The following GCN1 variants were observed in gnomAD, a reference collection of about 807,000 sequenced individuals.
The protein encoded by GCN1 is stalled ribosome sensor GCN1.
A neutral mutation model predicts 288.4 loss-of-function variants in GCN1; 90 were observed. The ratio of observed to expected loss-of-function variants is 0.31; its 90% confidence interval spans 0.26 to 0.37. The LOEUF (loss-of-function observed/expected upper bound fraction) is 0.37, where lower values mean the gene tolerates loss of function less well. GCN1 is among the 10% of genes least tolerant of loss of function. The pLI is 1.00. For synonymous variants in GCN1, 1,386 were observed against 1,420.2 expected (o/e 0.98, Z 0.54); for missense variants, 2,586 against 3,419.9 (o/e 0.76, Z 6.08).
At chr12:120,131,858 T>C in intron 54 of GCN1, 68 bp downstream of exon 54, 2 of 923,138 alleles carry the variant, frequency 2.2e-6, no homozygotes, top group East Asian at 2.6e-5. Flanking sequence ...GGGAGGGAGA[T>C]GCCCGTCGAC....
chr12:120,157,602 CAA>C (rs1877790364), intron 26 of GCN1, among the ~76,000 whole-genome samples: 3 of 152,226 alleles, frequency 2.0e-5, no homozygotes, highest in Admixed American at 6.5e-5. Flanking sequence ...ATGCAGCCAA[CAA>C]AGTCAATCAG....
intron 15 of GCN1, among the ~76,000 whole-genome samples, chr12:120,169,775 G>T (rs1594281170): frequency 6.6e-6 from 1 of 152,270 alleles, no homozygotes; most frequent in South Asian, 2.1e-4. Flanking sequence ...GTGCAAAATT[G>T]GTAACACCGT....
intron 14 of GCN1, among the ~76,000 whole-genome samples, chr12:120,172,961 A>G (rs1219504817): frequency 6.6e-6 from 1 of 152,132 alleles, no homozygotes; most frequent in Non-Finnish European, 1.5e-5. Context: ...TGCTTGCCCA[A>G]ATGACAGTAG....
At position 120,136,636 on chromosome 12, in the gene GCN1, G is replaced by A. The variant is rs200128356; in HGVS notation, c.6874C>T (p.Arg2292Cys). 20 of 1,614,028 alleles carry A rather than the reference G, an allele frequency of 1.2e-5. No homozygotes were observed. Among genetic ancestry groups the A allele is most frequent in the South Asian group, 1.1e-4 (10 of 91,094 alleles). Residue 2292 changes from arginine to cysteine, a missense_variant, in exon 51 of 58, where the codon CGC (arginine) becomes TGC (cysteine). Physicochemically the swap from Arg to Cys is radical, Grantham distance 180 (BLOSUM62 -3). Coordinates refer to ENST00000300648, the MANE Select transcript of GCN1 (RefSeq NM_006836.2). ...CTCAGGGCGTCAGCCGAGGTCAGGC[G>A]GATTACCAAGCCTAAGGCTTTGGCT... Reference protein sequence around the residue: ...EAAKALGLVIRLTSADALRPS... With the variant: ...EAAKALGLVICLTSADALRPS...
chr12:120,146,439 C>T (rs967392805), intron 38 of GCN1, among the ~76,000 whole-genome samples: 2 of 151,966 alleles, frequency 1.3e-5, no homozygotes, highest in African/African-American at 4.8e-5. Context: ...TATCACGGCT[C>T]ACTGTATCCT....
intron 46 of GCN1, 92 bp from the exon 47 acceptor site, chr12:120,138,507 C>G: frequency 9.8e-7 from 1 of 1,022,702 alleles, no homozygotes; most frequent in Non-Finnish European, 1.6e-6. Context: ...TGTTTCCCTC[C>G]CTCCTGTTGC....
chr12:120,173,588 AAT>A, intron 14 of GCN1, 63 bp downstream of exon 14: 1 of 902,738 alleles, frequency 1.1e-6, no homozygotes, highest in Non-Finnish European at 1.8e-6. Flanking sequence ...GAACACTAAC[AAT>A]ACCCTAAAGA....
rs1188098649 is a variant in GCN1, at chr12:120,138,679, T to G, written c.6156+16A>C. 1 of 1,609,970 alleles carries G rather than the reference T, an allele frequency of 6.2e-7. No individual in the cohort carries two copies. Among genetic ancestry groups the G allele is most frequent in the Admixed American group, 1.7e-5 (1 of 59,842 alleles). Reference sequence around the variant, plus strand: ...AAAGCCAAACTGGTAGGTAGGTGTGTGGTAGATCCACTCACCAGCTGCTTT... The same window carrying G: ...AAAGCCAAACTGGTAGGTAGGTGTGGGGTAGATCCACTCACCAGCTGCTTT... On this transcript the variant is annotated intron_variant, in intron 46 of 57. Transcript: ENST00000300648.
chr12:120,163,402 C>T, intron 18 of GCN1, 143 bp from the exon 19 acceptor site: 1 of 647,612 alleles, frequency 1.5e-6, no homozygotes, highest in South Asian at 1.9e-5. Flanking sequence ...TGCCCAGCTT[C>T]CTGCAATGGG....
intron 51 of GCN1, 72 bp downstream of exon 51, chr12:120,136,430 A>G (rs1177418400): frequency 1.2e-5 from 14 of 1,173,174 alleles, no homozygotes; most frequent in African/African-American, 1.1e-4. Flanking sequence ...CTGCTGCTAC[A>G]TGACACCTTG....
Position 120,133,501 on chromosome 12 carries a change from G to C in GCN1, c.7317+790C>G, listed in dbSNP as rs150156569. Reference sequence around the variant, plus strand: ...TATGGCCCAGACAAGTCTCACCCTCGAAAATAGACCTCTAAGACTTGCCAC... The same window carrying C: ...TATGGCCCAGACAAGTCTCACCCTCCAAAATAGACCTCTAAGACTTGCCAC... On this transcript the variant is annotated intron_variant, in intron 53 of 57. Transcript: ENST00000300648. Among the ~76,000 whole-genome samples, 632 of 152,140 alleles carry C rather than the reference G, an allele frequency of 4.2e-3. 11 individuals carry two copies. Among genetic ancestry groups the C allele is most frequent in the South Asian group, 5.4e-3 (26 of 4,810 alleles).
rs771879340 is a variant in GCN1 at position 120,127,803 on chromosome 12, T to C, written c.*46A>G. ...AAATGTATTTTCAAAAATGAAAACA[T>C]TGAGCAAAGATGTGGAGCGGCAATG... On this transcript the variant is annotated 3_prime_UTR_variant, in exon 58 of 58. Coordinates refer to ENST00000300648, the MANE Select transcript of GCN1 (RefSeq NM_006836.2). 12 of 1,588,834 alleles carry C rather than the reference T, an allele frequency of 7.6e-6. No homozygotes were observed. Among genetic ancestry groups the C allele is most frequent in the South Asian group, 3.3e-5 (3 of 89,800 alleles).
chr12:120,194,102 T>C (rs1410952446), intron 1 of GCN1, among the ~76,000 whole-genome samples: 1 of 152,246 alleles, frequency 6.6e-6, no homozygotes, highest in African/African-American at 2.4e-5. Context: ...TCAAGCCGTA[T>C]TTTATCTCAC....
chr12:120,152,344 T>C (rs1453752599), intron 33 of GCN1, among the ~76,000 whole-genome samples: 1 of 147,876 alleles, frequency 6.8e-6, no homozygotes, highest in Non-Finnish European at 1.5e-5. Flanking sequence ...GTTCACTTTA[T>C]GAAGACACTC....
intron 16 of GCN1, among the ~76,000 whole-genome samples, chr12:120,165,684 G>A (rs1380285452): frequency 6.6e-6 from 1 of 151,548 alleles, no homozygotes; most frequent in East Asian, 1.9e-4. Flanking sequence ...ATGTTGGCCA[G>A]GATAATTCTG....
In GCN1 at chr12:120,183,592, G is replaced by A. The variant is rs1325270149; in HGVS notation, c.403C>T (p.Gln135Ter). 1 of 1,611,402 alleles carries A rather than the reference G, an allele frequency of 6.2e-7. No individual in the cohort carries two copies. The highest frequency in any genetic ancestry group is 1.1e-5 in the South Asian group (1 of 91,030). Residue 135 changes from glutamine to a stop codon, truncating the protein, a stop_gained, in exon 5 of 58, where the codon CAA becomes TAA. Coordinates refer to ENST00000300648, the MANE Select transcript of GCN1 (RefSeq NM_006836.2). LOFTEE classifies it high-confidence loss of function. ...ACCAGTTTGTTCCAGATGTCTCCTT[G>A]TCGCTTGGCTCTCGATGGAAAGACA... ...RIVFPSRAKR[Q>*]GDIWNKLVEV...
chr12:120,177,471 T>G lies in GCN1; in HGVS notation c.814A>C (p.Arg272=). ...CTTTCAATAACATTCTCTGGACTCC[T>G]CAGTAAGGACTTCTGTATGGTGGGC... ...ILPTIQKSLL[R]SPENVIETIS... is the part of the protein sequence containing the mutation. The change falls in exon 9 of 58, where the codon AGG becomes CGG. Residue 272 remains arginine (R), a synonymous_variant. Transcript: ENST00000300648. The G allele has an allele frequency of 6.3e-7, 1 of 1,598,070 alleles. No individual in the cohort carries two copies. Among genetic ancestry groups the G allele is most frequent in the African/African-American group, 1.3e-5 (1 of 74,660 alleles).
rs556854468 is a variant in GCN1, at chr12:120,156,226, C to G, written c.3312+235G>C. On this transcript the variant is annotated intron_variant, in intron 28 of 57. Coordinates refer to ENST00000300648, the MANE Select transcript of GCN1 (RefSeq NM_006836.2). The surrounding 1 kb of genome is among the most constrained non-coding windows in gnomAD (Gnocchi z 5.8). ...CTCTGTCCGTGGAAGTACCAAGGTC[C>G]ACATTCCAGTTTAAAAATTAAGTGA... is the stretch of plus-strand genomic sequence containing the variant. Among the ~76,000 whole-genome samples, 1 of 152,302 alleles carries G rather than the reference C, an allele frequency of 6.6e-6. No individual in the cohort carries two copies. Among genetic ancestry groups the G allele is most frequent in the South Asian group, 2.1e-4 (1 of 4,820 alleles).
intron 47 of GCN1, 59 bp from the exon 48 acceptor site, chr12:120,138,103 TG>T: frequency 6.6e-7 from 1 of 1,508,764 alleles, no homozygotes. Context: ...CGCTAGGCTC[TG>T]GGAACAGACG....
Sources: allele counts gnomAD v4.1 joint callset (sites outside exome capture counted in the v4.1 genomes callset), GRCh38; gene constraint gnomAD v4.1.1; non-coding constraint Gnocchi (gnomAD v3.1); transcripts MANE v1.5; gene names NCBI Gene and HGNC (gene_info 2026-07-23, HGNC 2026-07-21).